Variants in SGCZ observed in about 807,000 individuals in gnomAD.
SGCZ encodes the protein zeta-sarcoglycan.
In SGCZ, 40 loss-of-function variants were observed where a neutral mutation model predicts 41.3. That is an observed-to-expected ratio of 0.97 (90% CI 0.75 to 1.26). The LOEUF is 1.26. SGCZ is among the 50% of genes most tolerant of loss of function. The pLI is 0.00. For synonymous variants in SGCZ, 206 were observed against 137.5 expected (o/e 1.50, Z -3.49); for missense variants, 552 against 369.8 (o/e 1.49, Z -4.04).
At chr8:14,202,811 T>C (rs1162824669) in intron 4 of SGCZ, among the ~76,000 whole-genome samples, 3 of 152,204 alleles carry the variant, frequency 2.0e-5, no homozygotes, top group Non-Finnish European at 2.9e-5. Flanking sequence ...TGCATTTACC[T>C]AAAGTCTTAA....
At chr8:14,621,287 T>G (rs1585131544) in intron 1 of SGCZ, among the ~76,000 whole-genome samples, 1 of 82,260 alleles carries the variant, frequency 1.2e-5, no homozygotes, top group Non-Finnish European at 2.2e-5. Flanking sequence ...GGGCCTGTTG[T>G]GGGGTGGGGG....
At chr8:14,883,607 G>C (rs112774647) in intron 1 of SGCZ, among the ~76,000 whole-genome samples, 5 of 151,616 alleles carry the variant, frequency 3.3e-5, no homozygotes, top group African/African-American at 1.2e-4. Flanking sequence ...TCACTCTTTC[G>C]GGTCTAGTTA....
At chr8:15,023,664 C>T (rs1256905834) in intron 1 of SGCZ, among the ~76,000 whole-genome samples, 1 of 152,102 alleles carries the variant, frequency 6.6e-6, no homozygotes, top group East Asian at 1.9e-4. Context: ...TATTGGCATG[C>T]AAGAGACCGG....
intron 2 of SGCZ, among the ~76,000 whole-genome samples, chr8:14,337,609 A>G (rs562972817): frequency 1.3e-5 from 2 of 152,164 alleles, no homozygotes; most frequent in Non-Finnish European, 2.9e-5. Context: ...TGAAAAAGAG[A>G]ATGAAAGTCT....
At chr8:15,178,523 C>T (rs1049836336) in intron 1 of SGCZ, among the ~76,000 whole-genome samples, 5 of 152,162 alleles carry the variant, frequency 3.3e-5, no homozygotes, top group Non-Finnish European at 5.9e-5. Context: ...TTTCTAGAAA[C>T]TACCTGTGCC....
At chr8:14,181,006 G>C (rs934592499) in intron 4 of SGCZ, among the ~76,000 whole-genome samples, 1 of 152,124 alleles carries the variant, frequency 6.6e-6, no homozygotes, top group African/African-American at 2.4e-5. Flanking sequence ...CAGTCATAGA[G>C]TCGATACCGT....
At chr8:15,031,837 A>C (rs1363723065) in intron 1 of SGCZ, among the ~76,000 whole-genome samples, 2 of 151,674 alleles carry the variant, frequency 1.3e-5, no homozygotes, top group Non-Finnish European at 2.9e-5. Context: ...TCTACGTTGC[A>C]GTCGGCCAGC....
At chr8:14,537,436 A>G (rs1000820986) in intron 2 of SGCZ, among the ~76,000 whole-genome samples, 1 of 151,962 alleles carries the variant, frequency 6.6e-6, no homozygotes, top group Non-Finnish European at 1.5e-5. Context: ...ACAGAGAAAA[A>G]TAATTACAAG....
intron 2 of SGCZ, among the ~76,000 whole-genome samples, chr8:14,446,763 C>A (rs930789360): frequency 1.3e-5 from 2 of 152,086 alleles, no homozygotes; most frequent in Non-Finnish European, 2.9e-5. Context: ...TCTTCATGCA[C>A]CCTGGTATAT....
intron 4 of SGCZ, among the ~76,000 whole-genome samples, chr8:14,188,758 C>A (rs1396705234): frequency 2.6e-5 from 4 of 151,614 alleles, no homozygotes; most frequent in Non-Finnish European, 2.9e-5. Flanking sequence ...TCCTTCAACA[C>A]ATATCCAAAA....
rs531491481 is a variant in SGCZ, at chr8:14,115,368, C to T, written c.548-7133G>A. 4.6e-5 allele frequency among the ~76,000 whole-genome samples: 7 copies of T among 151,982 alleles called. No individual in the cohort carries two copies. The East Asian group carries it at 9.7e-4, about 21-fold the overall frequency. On this transcript the variant is annotated intron_variant, in intron 5 of 7. Transcript: ENST00000382080. ...TTCATTATAAACATTATAATTTTAACGAGTTGAAATGCAAAAATATGCATT... is the reference window on the plus strand; with the variant it reads ...TTCATTATAAACATTATAATTTTAATGAGTTGAAATGCAAAAATATGCATT...
chr8:14,237,238 T>C (rs1052368649), intron 4 of SGCZ, among the ~76,000 whole-genome samples: 2 of 152,108 alleles, frequency 1.3e-5, no homozygotes, highest in Non-Finnish European at 2.9e-5. Flanking sequence ...AAATAATACA[T>C]TGGCAAGAGT....
At chr8:15,134,688 G>C (rs1171007865) in intron 1 of SGCZ, among the ~76,000 whole-genome samples, 5 of 152,190 alleles carry the variant, frequency 3.3e-5, no homozygotes, top group African/African-American at 1.2e-4. Flanking sequence ...GCCCAATTCA[G>C]AGTTTCTCAA....
At chr8:14,809,482 G>A (rs559700475) in intron 1 of SGCZ, among the ~76,000 whole-genome samples, 88 of 151,942 alleles carry the variant, frequency 5.8e-4, no homozygotes, top group Admixed American at 1.4e-3. Context: ...GAATTTTTTC[G>A]GCATAGAAAC....
chr8:14,663,370 T>C (rs1015555934), intron 1 of SGCZ, among the ~76,000 whole-genome samples: 1 of 152,210 alleles, frequency 6.6e-6, no homozygotes, highest in Admixed American at 6.5e-5. Flanking sequence ...GTAGGTGTTA[T>C]GTGGAAACTA....
At chr8:15,145,045 A>T (rs1370837577) in intron 1 of SGCZ, among the ~76,000 whole-genome samples, 2 of 152,112 alleles carry the variant, frequency 1.3e-5, no homozygotes, top group African/African-American at 4.8e-5. Flanking sequence ...GTACTTACAG[A>T]TTTCTTTTTA....
intron 3 of SGCZ, among the ~76,000 whole-genome samples, chr8:14,243,542 G>C (rs918446780): frequency 1.3e-5 from 2 of 152,148 alleles, no homozygotes; most frequent in Non-Finnish European, 2.9e-5. Flanking sequence ...AGAAATTTAT[G>C]TTCATAACAT....
At chr8:15,056,928 G>C (rs1428705067) in intron 1 of SGCZ, among the ~76,000 whole-genome samples, 1 of 152,170 alleles carries the variant, frequency 6.6e-6, no homozygotes, top group African/African-American at 2.4e-5. Context: ...CAGGCAAGCT[G>C]AAGGTGACAA....
At chr8:15,037,662 T>C (rs1803920023) in intron 1 of SGCZ, among the ~76,000 whole-genome samples, 1 of 152,118 alleles carries the variant, frequency 6.6e-6, no homozygotes, top group Non-Finnish European at 1.5e-5. Context: ...GGCATTCAAA[T>C]TGGAAAGTAA....
Sources: allele counts gnomAD v4.1 joint callset (sites outside exome capture counted in the v4.1 genomes callset), GRCh38; gene constraint gnomAD v4.1.1; transcripts MANE v1.5; gene names NCBI Gene and HGNC (gene_info 2026-07-23, HGNC 2026-07-21).